CRTAC1: variants seen among roughly 807,000 people sequenced by gnomAD.
The protein encoded by CRTAC1 is cartilage acidic protein 1.
CRTAC1 carries 37 observed loss-of-function variants against 67.8 expected under a neutral mutation model. The observed-to-expected ratio is 0.55, with a 90% CI of 0.42 to 0.72. The LOEUF (loss-of-function observed/expected upper bound fraction) is 0.72. Ranked by LOEUF, CRTAC1 falls within the 30% of genes least tolerant of loss-of-function variation. CRTAC1 has a pLI of 0.00. For synonymous variants in CRTAC1, 348 were observed against 371.0 expected, an observed-to-expected ratio of 0.94 and a Z score of 0.71; for missense variants, 780 against 931.6, an observed-to-expected ratio of 0.84 and a Z score of 2.12.
intron 4 of CRTAC1, among the ~76,000 whole-genome samples, chr10:97,918,753 G>A (rs1438646003): frequency 6.6e-6 from 1 of 151,752 alleles, no homozygotes. Flanking sequence ...CCACCTAACT[G>A]GTCAGTGACT....
At chr10:97,887,856 T>C (rs1367188823) in intron 11 of CRTAC1, among the ~76,000 whole-genome samples, 1 of 152,252 alleles carries the variant, frequency 6.6e-6, no homozygotes, top group African/African-American at 2.4e-5. Context: ...GGGGTCTCCC[T>C]ACAGTTTCCA....
rs71007373 is a variant in CRTAC1 at position 98,018,199 on chromosome 10, CAAAAAAAAAAAAAAAAAAA to C, written c.25-6881_25-6863del. ...TCTGGGTGACAGAGCAAGATGCCCG[CAAAAAAAAAAAAAAAAAAA>C]AAAAAAAAAAAAAAGAGAGAGAGAG... On this transcript the variant is annotated intron_variant, in intron 1 of 14. Transcript: ENST00000370597. Among the ~76,000 whole-genome samples, 4 of 48,652 alleles carry C rather than the reference CAAAAAAAAAAAAAAAAAAA, an allele frequency of 8.2e-5. No homozygotes were observed. The South Asian group carries it at 3.0e-3, about 37-fold the overall frequency. The allele number at this position is 48,652 out of a possible 152,430, so 31.9% of individuals were successfully genotyped here.
At chr10:98,002,841 C>T (rs1259049127) in intron 2 of CRTAC1, among the ~76,000 whole-genome samples, 3 of 118,476 alleles carry the variant, frequency 2.5e-5, no homozygotes, top group African/African-American at 9.5e-5. Flanking sequence ...TGCAGAGGTG[C>T]AATCTCCGTT....
intron 14 of CRTAC1, 35 bp downstream of exon 14, chr10:97,880,214 T>C: frequency 3.1e-6 from 5 of 1,608,004 alleles, no homozygotes; most frequent in Non-Finnish European, 3.4e-6. Flanking sequence ...AGCAACATCC[T>C]TTTGCTACTG....
intron 8 of CRTAC1, 22 bp from the exon 9 acceptor site, chr10:97,897,013 T>G: frequency 6.5e-7 from 1 of 1,540,678 alleles, no homozygotes; most frequent in African/African-American, 1.4e-5. Flanking sequence ...GAGACAGGCT[T>G]GCTCTGGTGG....
At chr10:98,022,188 T>C (rs1843138087) in intron 1 of CRTAC1, among the ~76,000 whole-genome samples, 1 of 151,684 alleles carries the variant, frequency 6.6e-6, no homozygotes, top group Admixed American at 6.6e-5. Flanking sequence ...AAACCCCAAC[T>C]CTACTAAAAA....
At chr10:97,937,185 T>C (rs959112061) in intron 2 of CRTAC1, among the ~76,000 whole-genome samples, 3 of 152,224 alleles carry the variant, frequency 2.0e-5, no homozygotes, top group Non-Finnish European at 4.4e-5. Context: ...AACTCCCTCC[T>C]CGCTGCACTG....
chr10:97,891,591 C>G (rs1037596911), intron 11 of CRTAC1, among the ~76,000 whole-genome samples: 8 of 152,276 alleles, frequency 5.3e-5, no homozygotes, highest in Non-Finnish European at 7.3e-5. Context: ...CACTGCCAGC[C>G]TGGAGGGCAG....
At chr10:98,003,432 T>G (rs1842730591) in intron 2 of CRTAC1, among the ~76,000 whole-genome samples, 1 of 152,206 alleles carries the variant, frequency 6.6e-6, no homozygotes, top group Admixed American at 6.5e-5. Context: ...ATAAATCTGT[T>G]TCCTTGCCTT....
intron 3 of CRTAC1, among the ~76,000 whole-genome samples, chr10:97,929,960 C>T (rs938508079): frequency 3.3e-5 from 5 of 152,178 alleles, no homozygotes; most frequent in Non-Finnish European, 7.3e-5. Flanking sequence ...AAAAGAGGAG[C>T]CCAGGCTGTG....
chr10:97,890,113 A>T (rs1564879860), intron 11 of CRTAC1, among the ~76,000 whole-genome samples: 1 of 151,872 alleles, frequency 6.6e-6, no homozygotes, highest in African/African-American at 2.4e-5. Context: ...ACACACACAC[A>T]CACACTCTCA....
chr10:97,902,477 C>T (rs1424688273), intron 7 of CRTAC1, among the ~76,000 whole-genome samples: 1 of 152,198 alleles, frequency 6.6e-6, no homozygotes, highest in Non-Finnish European at 1.5e-5. Flanking sequence ...AATGGGGAGA[C>T]CCCAGGCCCA....
At chr10:97,923,753 C>T (rs375997733) in intron 3 of CRTAC1, among the ~76,000 whole-genome samples, 4 of 152,310 alleles carry the variant, frequency 2.6e-5, no homozygotes, top group Admixed American at 6.5e-5. Flanking sequence ...GACTGCAATA[C>T]GGCAACATCC....
At chr10:97,934,988 C>T (rs922048653) in intron 3 of CRTAC1, among the ~76,000 whole-genome samples, 5 of 142,744 alleles carry the variant, frequency 3.5e-5, no homozygotes, top group Non-Finnish European at 7.7e-5. Flanking sequence ...GCGGGCGCGG[C>T]GGGGAAACCA....
chr10:97,912,942 A>G (rs2050708448), intron 5 of CRTAC1, among the ~76,000 whole-genome samples: 1 of 152,216 alleles, frequency 6.6e-6, no homozygotes, highest in African/African-American at 2.4e-5. Context: ...CACCCTCTGC[A>G]TCAGCAGAGA....
intron 2 of CRTAC1, among the ~76,000 whole-genome samples, chr10:97,984,207 C>G (rs1042929117): frequency 6.6e-6 from 1 of 152,202 alleles, no homozygotes; most frequent in Non-Finnish European, 1.5e-5. Context: ...TCTTAAAACA[C>G]TCTAGCTCTC....
At chr10:97,889,405 G>T (rs972902573) in intron 11 of CRTAC1, among the ~76,000 whole-genome samples, 1 of 151,406 alleles carries the variant, frequency 6.6e-6, no homozygotes, top group Non-Finnish European at 1.5e-5. Flanking sequence ...CGTCTGCACC[G>T]AGGAGCAGCA....
intron 2 of CRTAC1, among the ~76,000 whole-genome samples, chr10:97,973,427 T>C (rs754731254): frequency 4.0e-5 from 6 of 151,738 alleles, no homozygotes; most frequent in Admixed American, 6.6e-5. Flanking sequence ...TTCCTACTTA[T>C]GTTTCAACAG....
chr10:97,917,751 A>C, intron 4 of CRTAC1, 95 bp from the exon 5 acceptor site: 1 of 1,058,554 alleles, frequency 9.4e-7, no homozygotes, highest in Non-Finnish European at 1.3e-6. Context: ...TAGCTCTTTC[A>C]CAGGGTTGGG....
Sources: gnomAD v4.1 joint callset for allele counts (sites outside exome capture counted in the v4.1 genomes callset) on GRCh38, gnomAD v4.1.1 for gene constraint, MANE v1.5 for transcripts, NCBI Gene and HGNC (gene_info 2026-07-23, HGNC 2026-07-21) for gene names.